SAMMSON: variants seen among roughly 807,000 people sequenced by gnomAD.
SAMMSON encodes long intergenic non-protein coding RNA 1212.
intron 3 of SAMMSON, among the ~76,000 whole-genome samples, chr3:70,056,847 A>G (rs1366862256): frequency 6.6e-6 from 1 of 152,028 alleles, no homozygotes; most frequent in Non-Finnish European, 1.5e-5. Flanking sequence ...TTCCTATGAC[A>G]GGAGGCCATA....
chr3:70,042,934 G>C lies in SAMMSON; in HGVS notation n.418-28542G>C, dbSNP rs139320299. 1.1e-3 allele frequency among the ~76,000 whole-genome samples: 164 copies of C among 152,154 alleles called. 1 individual carries two copies. The highest frequency in any genetic ancestry group is 5.0e-4 in the Non-Finnish European group (34 of 68,008). On this transcript the variant is annotated intron_variant and non_coding_transcript_variant, in intron 3 of 9. Coordinates refer to ENST00000642114, the Ensembl canonical transcript of SAMMSON. ...CTGGCTTCCCCAGAGATTTCGCTTT[G>C]CCAGTGAATATAAACTGTACTCAAT...
At chr3:70,319,296 G>A (rs550853011) in intron 7 of SAMMSON, among the ~76,000 whole-genome samples, 32 of 152,150 alleles carry the variant, frequency 2.1e-4, no homozygotes, top group African/African-American at 6.5e-4. Context: ...CAGTGAAGTC[G>A]AGAGCTGGAG....
At chr3:70,315,302 C>T (rs541067987) in intron 7 of SAMMSON, among the ~76,000 whole-genome samples, 22 of 152,058 alleles carry the variant, frequency 1.4e-4, no homozygotes, top group Admixed American at 5.9e-4. Context: ...TTGCCTTTGC[C>T]CTTTGAACAG....
At position 70,309,645 on chromosome 3, in the gene SAMMSON, T is replaced by A. The variant is rs944486576; in HGVS notation, n.739+18402T>A. Among the ~76,000 whole-genome samples, 18 of 152,070 alleles carry A rather than the reference T, an allele frequency of 1.2e-4. No homozygotes were observed. The South Asian group carries it at 1.9e-3, about 16-fold the overall frequency. On this transcript the variant is annotated intron_variant and non_coding_transcript_variant, in intron 7 of 9. Coordinates refer to ENST00000642114, the Ensembl canonical transcript of SAMMSON. ...TTTTACTGCACCACTTTGACTTTTT[T>A]AAATATATGCCAACCCATATACTTT...
chr3:70,296,357 T>G (rs1559557102), intron 7 of SAMMSON, among the ~76,000 whole-genome samples: 1 of 152,174 alleles, frequency 6.6e-6, no homozygotes, highest in East Asian at 1.9e-4. Flanking sequence ...AACATGATAC[T>G]TTCTTACTGT....
chr3:70,152,232 C>G lies in SAMMSON; in HGVS notation n.507+80667C>G, dbSNP rs2067574854. ...TTGCGATACCATGAAAAAAAATCAT[C>G]AAACAATTGGATTTCAAGTCACCAT... is the stretch of plus-strand genomic sequence containing the variant. On this transcript the variant is annotated intron_variant and non_coding_transcript_variant, in intron 4 of 9. Transcript: ENST00000642114. 1.1e-4 allele frequency among the ~76,000 whole-genome samples: 16 copies of G among 152,030 alleles called. No homozygotes were observed. In the South Asian group the frequency reaches 3.1e-3, roughly 30 times the overall value.
intron 3 of SAMMSON, among the ~76,000 whole-genome samples, chr3:70,046,220 A>G (rs955695557): frequency 4.6e-5 from 7 of 152,080 alleles, no homozygotes; most frequent in African/African-American, 1.4e-4. Flanking sequence ...GATCTGAGTG[A>G]GCAACATATT....
At chr3:70,279,763 C>T (rs1702063328) in intron 6 of SAMMSON, among the ~76,000 whole-genome samples, 1 of 152,066 alleles carries the variant, frequency 6.6e-6, no homozygotes, top group African/African-American at 2.4e-5. Context: ...AAATGCCATC[C>T]CTCTTTTCCT....
chr3:70,276,948 A>G (rs1702032952), intron 6 of SAMMSON, among the ~76,000 whole-genome samples: 1 of 152,186 alleles, frequency 6.6e-6, no homozygotes, highest in Admixed American at 6.5e-5. Context: ...TAAAGTGAAC[A>G]TGTCTTGGTT....
chr3:70,029,874 A>C (rs1290148876), intron 3 of SAMMSON, among the ~76,000 whole-genome samples: 2 of 152,040 alleles, frequency 1.3e-5, no homozygotes, highest in Non-Finnish European at 2.9e-5. Flanking sequence ...GCTTTTTACT[A>C]TTTGAGTATC....
In SAMMSON at chr3:70,279,077, G is replaced by T. The variant is rs1026192622; in HGVS notation, n.675-12102G>T. Among the ~76,000 whole-genome samples the T allele has an allele frequency of 4.7e-4, 70 of 149,194 alleles. 1 individual carries two copies. The highest frequency in any genetic ancestry group is 1.7e-3 in the African/African-American group (67 of 40,388). Reference sequence around the variant, plus strand: ...TCCCTTTCCTAACATCTTCTCATTTGCCCAAGCCTGACTTCCAAATGACAT... The same window carrying T: ...TCCCTTTCCTAACATCTTCTCATTTTCCCAAGCCTGACTTCCAAATGACAT... On this transcript the variant is annotated intron_variant and non_coding_transcript_variant, in intron 6 of 9. Coordinates refer to ENST00000642114, the Ensembl canonical transcript of SAMMSON.
intron 4 of SAMMSON, among the ~76,000 whole-genome samples, chr3:70,117,189 T>C (rs1398069592): frequency 1.3e-5 from 2 of 152,216 alleles, no homozygotes; most frequent in Non-Finnish European, 2.9e-5. Context: ...CTTTGCTCTT[T>C]CTCTGCCCTG....
intron 6 of SAMMSON, among the ~76,000 whole-genome samples, chr3:70,287,865 T>C (rs1449862008): frequency 2.6e-4 from 38 of 148,758 alleles, no homozygotes; most frequent in South Asian, 6.4e-4. Flanking sequence ...TGTAGTATTC[T>C]CTGATGGTAG....
intron 4 of SAMMSON, among the ~76,000 whole-genome samples, chr3:70,169,409 T>C (rs566664109): frequency 6.6e-6 from 1 of 151,862 alleles, no homozygotes; most frequent in African/African-American, 2.4e-5. Flanking sequence ...TCTAGGAAAA[T>C]GTTTGTATTT....
intron 9 of SAMMSON, among the ~76,000 whole-genome samples, chr3:70,375,615 A>G (rs1019077437): frequency 4.6e-5 from 7 of 152,150 alleles, no homozygotes; most frequent in Middle Eastern, 3.2e-3. Flanking sequence ...CAAATATGTC[A>G]TTCCTACAAA....
At chr3:70,205,711 G>C (rs967417620) in intron 4 of SAMMSON, 4 of 152,078 alleles carry the variant, frequency 2.6e-5, no homozygotes, top group Non-Finnish European at 4.4e-5. Flanking sequence ...CAAAGGTGCT[G>C]TTATTCAAAG....
intron 9 of SAMMSON, among the ~76,000 whole-genome samples, chr3:70,368,274 A>G (rs988808163): frequency 1.3e-5 from 2 of 151,558 alleles, no homozygotes; most frequent in African/African-American, 4.8e-5. Flanking sequence ...TTAGAATGAT[A>G]TTTGTGAAGG....
chr3:70,185,379 G>A (rs764061991), intron 4 of SAMMSON, among the ~76,000 whole-genome samples: 22 of 152,184 alleles, frequency 1.4e-4, no homozygotes, highest in Non-Finnish European at 2.5e-4. Context: ...CTCACATGTA[G>A]CTGGGAGCTC....
At chr3:70,403,297 A>G (rs2106764086) in intron 2 of SAMMSON, among the ~76,000 whole-genome samples, 1 of 152,268 alleles carries the variant, frequency 6.6e-6, no homozygotes, top group Admixed American at 6.5e-5. Context: ...CTGTGAGGAG[A>G]CAAAACAAAC....
Sources: allele counts gnomAD v4.1 joint callset (sites outside exome capture counted in the v4.1 genomes callset), GRCh38; gene constraint gnomAD v4.1.1; transcripts MANE v1.5; gene names NCBI Gene and HGNC (gene_info 2026-07-23, HGNC 2026-07-21).